The following GPSM2 variants were observed in gnomAD, a reference collection of about 807,000 sequenced individuals.
GPSM2 encodes G protein-signaling modulator 2.
GPSM2 carries 58 observed loss-of-function variants against 78.4 expected under a neutral mutation model. That is an observed-to-expected ratio of 0.74 (90% CI 0.60 to 0.92). The LOEUF is 0.92. GPSM2 is among the 40% of genes least tolerant of loss of function. The pLI is 0.00. For missense variants in GPSM2, 700 were observed against 815.5 expected (o/e 0.86, Z 1.73); for synonymous variants, 224 against 280.2 (o/e 0.80, Z 2.00).
chr1:108,924,141 T>C lies in GPSM2; in HGVS notation c.1742T>C (p.Val581Ala). ...GLRLTQNSQSVLSHLMTNDNK... is the reference protein window; with the variant it reads ...GLRLTQNSQSALSHLMTNDNK... ...CGTCTAACACAAAACAGCCAGTCGG[T>C]ACTTAGCCACCTGATGACTAATGAC... The change falls in exon 14 of 15, where the codon GTA (valine) becomes GCA (alanine). Residue 581 changes from valine (V) to alanine (A), a missense_variant. By Grantham distance (64) the Val-to-Ala change is moderately conservative. Coordinates refer to ENST00000264126, the MANE Select transcript of GPSM2 (RefSeq NM_013296.5). 1.9e-6 allele frequency: 3 copies of C among 1,613,972 alleles called. No homozygotes were observed. The highest frequency in any genetic ancestry group is 2.5e-6 in the Non-Finnish European group (3 of 1,179,850).
chr1:108,894,168 T>C (rs879482973), intron 2 of GPSM2, among the ~76,000 whole-genome samples: 9 of 152,226 alleles, frequency 5.9e-5, no homozygotes, highest in Admixed American at 2.6e-4. Context: ...ATGAAATATC[T>C]CATTTTCAGA....
At chr1:108,912,515 A>G (rs1649828676) in intron 10 of GPSM2, among the ~76,000 whole-genome samples, 2 of 151,098 alleles carry the variant, frequency 1.3e-5, no homozygotes, top group South Asian at 4.2e-4. Flanking sequence ...AGGTTGAGGC[A>G]GGAGGATCGC....
intron 4 of GPSM2, 122 bp from the exon 5 acceptor site, chr1:108,897,837 T>G: frequency 9.9e-7 from 1 of 1,006,692 alleles, no homozygotes; most frequent in South Asian, 1.5e-5. Context: ...TGATTGGTTC[T>G]GTATGGAGAG....
At chr1:108,886,747 C>T (rs980376205) in intron 2 of GPSM2, among the ~76,000 whole-genome samples, 1 of 152,110 alleles carries the variant, frequency 6.6e-6, no homozygotes, top group Non-Finnish European at 1.5e-5. Flanking sequence ...ATCAGACATA[C>T]ACATCAGGAA....
chr1:108,894,058 T>G (rs1333356988), intron 2 of GPSM2, among the ~76,000 whole-genome samples: 1 of 152,002 alleles, frequency 6.6e-6, no homozygotes, highest in Non-Finnish European at 1.5e-5. Flanking sequence ...AAAAAAAAAT[T>G]ACATTTTTAT....
At chr1:108,919,283 C>T (rs2101531101) in intron 12 of GPSM2, among the ~76,000 whole-genome samples, 1 of 152,290 alleles carries the variant, frequency 6.6e-6, no homozygotes, top group Middle Eastern at 3.4e-3. Context: ...GCTGGGATTA[C>T]AGGTGTGAGG....
chr1:108,901,094 A>G (rs1446204487), intron 7 of GPSM2, among the ~76,000 whole-genome samples: 2 of 152,194 alleles, frequency 1.3e-5, no homozygotes, highest in Non-Finnish European at 2.9e-5. Context: ...ATCCTTCGAG[A>G]TATTTCCCCC....
Position 108,931,174 on chromosome 1 carries a change from C to A in GPSM2, c.*1234C>A. On this transcript the variant is annotated 3_prime_UTR_variant, in exon 15 of 15. Transcript: ENST00000264126. ...TAAGTTCTAATATAAAAACAAAAAACAAAACCCATGTGGTTAGGTCAAGAA... is the reference window on the plus strand; with the variant it reads ...TAAGTTCTAATATAAAAACAAAAAAAAAAACCCATGTGGTTAGGTCAAGAA... 2.4e-6 allele frequency: 2 copies of A among 823,174 alleles called. No homozygotes were observed. The highest frequency in any genetic ancestry group is 3.0e-5 in the East Asian group (1 of 33,214). 51.0% of individuals were successfully genotyped at this position (823,174 alleles called of 1,614,324 possible).
chr1:108,910,246 T>C (rs1649627125), intron 10 of GPSM2, among the ~76,000 whole-genome samples: 1 of 152,200 alleles, frequency 6.6e-6, no homozygotes, highest in South Asian at 2.1e-4. Context: ...GTAATGTGAA[T>C]GGCATGCTAA....
rs1304981813 is a variant in GPSM2, at chr1:108,930,267, A to ATAAT, written c.*329_*332dup. 4.5e-6 allele frequency: 1 copy of ATAAT among 224,500 alleles called. No individual in the cohort carries two copies. The highest frequency in any genetic ancestry group is 2.3e-5 in the African/African-American group (1 of 43,826). 13.9% of individuals were successfully genotyped at this position (224,500 alleles called of 1,614,324 possible). A position where few individuals can be genotyped will look rare whatever the true frequency, so the allele number is the denominator to read the frequency against. The stretch of plus-strand genomic sequence containing the variant: ...ATTAGAATTTAATACTCTTATGGAA[A>ATAAT]TAATTTTTTAACATCTTAATTGACA... On this transcript the variant is annotated 3_prime_UTR_variant, in exon 15 of 15. Transcript: ENST00000264126.
At position 108,917,611 on chromosome 1, in the gene GPSM2, C is replaced by CATATAT. The variant is rs55909258; in HGVS notation, c.1264-952_1264-947dup. ...ACAAATGTATACACACACACACACACATATATATATATATATATATATATA... is the reference window on the plus strand; with the variant it reads ...ACAAATGTATACACACACACACACACATATATATATATATATATATATATATATATA... On this transcript the variant is annotated intron_variant, in intron 11 of 14. Transcript: ENST00000264126. 9.0e-3 allele frequency among the ~76,000 whole-genome samples: 202 copies of CATATAT among 22,374 alleles called. 6 individuals are homozygous for CATATAT. The highest frequency in any genetic ancestry group is 0.01 in the Non-Finnish European group (128 of 12,542). The allele number at this position is 22,374 out of a possible 152,430, so 14.7% of individuals were successfully genotyped here. A position where few individuals can be genotyped will look rare whatever the true frequency, so the allele number is the denominator to read the frequency against.
intron 2 of GPSM2, among the ~76,000 whole-genome samples, chr1:108,895,836 A>C (rs1170865303): frequency 1.3e-5 from 2 of 152,198 alleles, no homozygotes; most frequent in South Asian, 2.1e-4. Context: ...TGTCTTCCAC[A>C]AAACCGGCCC....
intron 12 of GPSM2, among the ~76,000 whole-genome samples, chr1:108,920,245 G>T (rs894839365): frequency 1.3e-5 from 2 of 152,110 alleles, no homozygotes; most frequent in African/African-American, 2.4e-5. Flanking sequence ...AAGGCAGGCG[G>T]ATCACTTGAA....
intron 10 of GPSM2, among the ~76,000 whole-genome samples, chr1:108,912,896 A>G (rs898189014): frequency 1.2e-3 from 36 of 29,012 alleles, no homozygotes; most frequent in African/African-American, 1.9e-3. Flanking sequence ...AAAAAAAAAA[A>G]GGGTGGGGGG....
At chr1:108,892,799 T>C (rs1648065623) in intron 2 of GPSM2, among the ~76,000 whole-genome samples, 1 of 152,242 alleles carries the variant, frequency 6.6e-6, no homozygotes, top group Admixed American at 6.5e-5. Context: ...CATAAATCTA[T>C]ATTTGATTCA....
Position 108,885,450 on chromosome 1 carries a change from A to G in GPSM2, c.-73A>G, listed in dbSNP as rs563463864. 4 of 858,498 alleles carry G rather than the reference A, an allele frequency of 4.7e-6. No individual in the cohort carries two copies. In the African/African-American group the frequency reaches 5.0e-5, roughly 11 times the overall value. The allele number at this position is 858,498 out of a possible 1,614,324, so 53.2% of individuals were successfully genotyped here. On this transcript the variant is annotated 5_prime_UTR_variant, in exon 2 of 15. Coordinates refer to ENST00000264126, the MANE Select transcript of GPSM2 (RefSeq NM_013296.5). ...CTAACCGGACAATGTTCTACAAACA[A>G]TTCTACATTGTAAAGGACTGGATTG... is the stretch of plus-strand genomic sequence containing the variant.
At chr1:108,925,338 G>A (rs1651038876) in intron 14 of GPSM2, among the ~76,000 whole-genome samples, 1 of 152,188 alleles carries the variant, frequency 6.6e-6, no homozygotes, top group African/African-American at 2.4e-5. Flanking sequence ...TGTAAAATCT[G>A]GAGCCCAAGG....
At chr1:108,891,777 T>C (rs1647992803) in intron 2 of GPSM2, among the ~76,000 whole-genome samples, 1 of 151,592 alleles carries the variant, frequency 6.6e-6, no homozygotes. Flanking sequence ...AGTGCTGGGA[T>C]TACAGGTATG....
At chr1:108,878,030 G>C (rs1279270123) in intron 1 of GPSM2, among the ~76,000 whole-genome samples, 1 of 152,136 alleles carries the variant, frequency 6.6e-6, no homozygotes, top group Non-Finnish European at 1.5e-5. Flanking sequence ...TGGAGCGTTC[G>C]TGGGGTGTGT....
Sources: allele counts gnomAD v4.1 joint callset (sites outside exome capture counted in the v4.1 genomes callset), GRCh38; gene constraint gnomAD v4.1.1; transcripts MANE v1.5; gene names NCBI Gene and HGNC (gene_info 2026-07-23, HGNC 2026-07-21).